The following EP300 variants were observed in gnomAD, a reference collection of about 807,000 sequenced individuals.
The protein encoded by EP300 is histone acetyltransferase p300.
EP300 carries 31 observed loss-of-function variants against 264.0 expected under a neutral mutation model. The observed-to-expected ratio is 0.12, with a 90% CI of 0.09 to 0.16. The LOEUF is 0.16. EP300 is among the 10% of genes least tolerant of loss of function. The pLI is 1.00. For synonymous variants in EP300, 1,340 were observed against 1,045.4 expected (o/e 1.28, Z -5.44); for missense variants, 2,766 against 3,052.9 (o/e 0.91, Z 2.21).
intron 22 of EP300, among the ~76,000 whole-genome samples, chr22:41,165,347 C>G (rs1281983494): frequency 6.6e-6 from 1 of 152,188 alleles, no homozygotes; most frequent in Non-Finnish European, 1.5e-5. Context: ...TAAAAAGCGA[C>G]GGTCTCAGCT....
intron 10 of EP300, chr22:41,146,526 G>A: frequency 1.7e-6 from 1 of 577,334 alleles, no homozygotes; most frequent in Non-Finnish European, 3.1e-6. Flanking sequence ...GCTCATAAAG[G>A]AATACCAACA....
intron 14 of EP300, 63 bp downstream of exon 14, chr22:41,150,261 T>G: frequency 6.6e-7 from 1 of 1,503,824 alleles, no homozygotes; most frequent in Non-Finnish European, 9.0e-7. Context: ...ATATTACTTC[T>G]GGGCCATTTC....
intron 12 of EP300, 45 bp downstream of exon 12, chr22:41,147,991 T>C: frequency 7.4e-7 from 1 of 1,352,052 alleles, no homozygotes; most frequent in East Asian, 2.3e-5. Flanking sequence ...TTACCTGGTA[T>C]TTTGAAAATC....
chr22:41,157,561 A>G (rs895241194), intron 18 of EP300, among the ~76,000 whole-genome samples, 153 bp downstream of exon 18: 3 of 121,804 alleles, frequency 2.5e-5, no homozygotes, highest in African/African-American at 9.8e-5. Flanking sequence ...TTATTCTCCC[A>G]GGCTGGAGTG....
intron 10 of EP300, among the ~76,000 whole-genome samples, chr22:41,143,373 G>A (rs556885248): frequency 3.9e-5 from 6 of 152,206 alleles, no homozygotes; most frequent in Admixed American, 3.3e-4. Flanking sequence ...CATCACTTGA[G>A]CCCAGGAGGT....
At chr22:41,119,392 G>A (rs1325228654) in intron 2 of EP300, among the ~76,000 whole-genome samples, 2 of 151,742 alleles carry the variant, frequency 1.3e-5, no homozygotes, top group Non-Finnish European at 2.9e-5. Flanking sequence ...CAAAAACAAG[G>A]TAAATTATTA....
At position 41,131,508 on chromosome 22, in the gene EP300, A is replaced by G. The variant is rs587778262; in HGVS notation, c.1403A>G (p.Tyr468Cys). ...QIDPSSIERA[Y>C]AALGLPYQVN... Reference sequence around the variant, plus strand: ...GATCCCAGCTCCATAGAAAGAGCCTATGCAGCTCTTGGACTACCCTATCAA... The same window carrying G: ...GATCCCAGCTCCATAGAAAGAGCCTGTGCAGCTCTTGGACTACCCTATCAA... Residue 468 changes from tyrosine to cysteine, a missense_variant, in exon 6 of 31, where the codon TAT becomes TGT. Tyr to Cys is a radical substitution (Grantham distance 194). Transcript: ENST00000263253. 3.1e-6 allele frequency: 5 copies of G among 1,614,030 alleles called. No individual in the cohort carries two copies. The highest frequency in any genetic ancestry group is 2.2e-5 in the East Asian group (1 of 44,880).
At chr22:41,160,008 ATC>A in intron 19 of EP300, 1 of 112,688 alleles carries the variant, frequency 8.9e-6, no homozygotes, top group Middle Eastern at 9.1e-3. Context: ...CTGCAGTTGT[ATC>A]TATAGTGGGC....
intron 22 of EP300, among the ~76,000 whole-genome samples, chr22:41,165,297 T>C (rs950588430): frequency 1.3e-5 from 2 of 152,234 alleles, no homozygotes; most frequent in African/African-American, 2.4e-5. Flanking sequence ...AAGTAATTTA[T>C]GTTCATTATA....
intron 29 of EP300, chr22:41,174,549 C>G (rs1018687071): frequency 7.2e-5 from 11 of 151,946 alleles, no homozygotes; most frequent in African/African-American, 2.7e-4. Context: ...TTTAGTTGTT[C>G]TTGCAGTCAT....
intron 10 of EP300, among the ~76,000 whole-genome samples, chr22:41,145,793 C>T (rs922581355): frequency 3.9e-5 from 6 of 151,916 alleles, no homozygotes; most frequent in Non-Finnish European, 7.4e-5. Flanking sequence ...CCTGCCACCA[C>T]GCCCGGCTAT....
At chr22:41,163,899 A>G (rs2059121340) in intron 21 of EP300, among the ~76,000 whole-genome samples, 154 bp from the exon 22 acceptor site, 1 of 152,172 alleles carries the variant, frequency 6.6e-6, no homozygotes, top group South Asian at 2.1e-4. Flanking sequence ...TACAACAGAG[A>G]CCCTATCTCT....
At chr22:41,154,860 G>A in intron 16 of EP300, 135 bp from the exon 17 acceptor site, 1 of 694,872 alleles carries the variant, frequency 1.4e-6, no homozygotes, top group Non-Finnish European at 2.6e-6. Context: ...AGCCTGTAGT[G>A]ATATTTCCAT....
At chr22:41,144,418 C>T (rs1198962926) in intron 10 of EP300, among the ~76,000 whole-genome samples, 2 of 150,146 alleles carry the variant, frequency 1.3e-5, no homozygotes, top group Non-Finnish European at 3.0e-5. Context: ...GTGGTGTGAT[C>T]TCGGCTCACT....
At chr22:41,139,993 A>G in intron 8 of EP300, 147 bp from the exon 9 acceptor site, 1 of 660,904 alleles carries the variant, frequency 1.5e-6, no homozygotes, top group Non-Finnish European at 2.7e-6. Flanking sequence ...TTTGTTTATC[A>G]CAAAAAGATA....
intron 1 of EP300, 64 bp from the exon 2 acceptor site, chr22:41,117,123 A>G: frequency 4.4e-6 from 6 of 1,358,560 alleles, no homozygotes; most frequent in Non-Finnish European, 6.3e-6. Context: ...TGAGAACAAT[A>G]TAGAGCAGTT....
intron 1 of EP300, among the ~76,000 whole-genome samples, chr22:41,111,879 T>G (rs2058792885): frequency 9.5e-4 from 15 of 15,712 alleles, no homozygotes; most frequent in Non-Finnish European, 1.7e-3. Flanking sequence ...TTGTAACCTT[T>G]TTTTTTTTTT....
At chr22:41,135,739 C>G (rs1252599326) in intron 6 of EP300, 74 bp from the exon 7 acceptor site, 1 of 1,175,352 alleles carries the variant, frequency 8.5e-7, no homozygotes, top group Non-Finnish European at 1.3e-6. Flanking sequence ...TCATTTGTTT[C>G]TTAACTTTAT....
Position 41,137,760 on chromosome 22 carries a change from A to G in EP300, c.1730A>G (p.Gln577Arg), listed in dbSNP as rs985954510. 5.0e-6 allele frequency: 8 copies of G among 1,614,092 alleles called. No homozygotes were observed. The highest frequency in any genetic ancestry group is 6.8e-6 in the Non-Finnish European group (8 of 1,180,052). Reference protein sequence around the residue: ...IRKQWHEDITQDLRNHLVHKL... With the variant: ...IRKQWHEDITRDLRNHLVHKL... ...AAACAGTGGCACGAAGATATTACTC[A>G]GGATCTTCGAAATCATCTTGTTCAC... The change falls in exon 8 of 31, where the codon CAG becomes CGG. Residue 577 changes from glutamine to arginine, a missense_variant. Coordinates refer to ENST00000263253, the MANE Select transcript of EP300 (RefSeq NM_001429.4).
Sources: gnomAD v4.1 joint callset for allele counts (sites outside exome capture counted in the v4.1 genomes callset) on GRCh38, gnomAD v4.1.1 for gene constraint, MANE v1.5 for transcripts, NCBI Gene and HGNC (gene_info 2026-07-23, HGNC 2026-07-21) for gene names.